UBLCP1: variants seen among roughly 807,000 people sequenced by gnomAD.
UBLCP1 encodes ubiquitin like domain containing CTD phosphatase 1.
Under a neutral mutation model 42.4 loss-of-function variants are expected in UBLCP1, and 28 were observed. The ratio of observed to expected loss-of-function variants is 0.66; its 90% CI spans 0.49 to 0.90. The LOEUF is 0.90. Among genes scored for constraint, UBLCP1 ranks in the 40% least tolerant of loss-of-function variants. The probability of loss-of-function intolerance (pLI) is 0.00; values close to 1 mark genes in which losing one functional copy is unlikely to be tolerated. For missense variants in UBLCP1, 279 were observed against 374.5 expected, an observed-to-expected ratio of 0.75 and a Z score of 2.10; for synonymous variants, 122 against 120.8, an observed-to-expected ratio of 1.01 and a Z score of -0.07.
Position 159,268,860 on chromosome 5 carries a change from TC to T in UBLCP1, c.-46-8del. On this transcript the variant is annotated splice_polypyrimidine_tract_variant and intron_variant, in intron 1 of 10. Coordinates refer to ENST00000296786, the MANE Select transcript of UBLCP1 (RefSeq NM_145049.5). The stretch of plus-strand genomic sequence containing the variant: ...TATTTTAACTTGTTCATTTTTGTCT[TC>T]CTTTCCAGGTATTTTTTTTTCTGAA... The T allele has an allele frequency of 6.4e-7, 1 of 1,570,408 alleles. No individual in the cohort carries two copies. Among genetic ancestry groups the T allele is most frequent in the Non-Finnish European group, 8.6e-7 (1 of 1,158,492 alleles).
chr5:159,274,360 A>G (rs182859518), intron 6 of UBLCP1: 3 of 376,362 alleles, frequency 8.0e-6, no homozygotes, highest in Non-Finnish European at 1.5e-5. Flanking sequence ...GATTACCTGT[A>G]TCTTACAGAT....
chr5:159,269,169 A>T, intron 2 of UBLCP1, 100 bp downstream of exon 2: 1 of 903,786 alleles, frequency 1.1e-6, no homozygotes, highest in Non-Finnish European at 1.5e-6. Context: ...TATACTTGCT[A>T]TTTGTAGTTT....
At chr5:159,272,927 C>T (rs1160824266) in intron 6 of UBLCP1, among the ~76,000 whole-genome samples, 1 of 152,200 alleles carries the variant, frequency 6.6e-6, no homozygotes, top group Non-Finnish European at 1.5e-5. Flanking sequence ...CTCCTCCCCA[C>T]AAATATTTAA....
chr5:159,269,762 C>T (rs1753440744), intron 2 of UBLCP1, 146 bp from the exon 3 acceptor site: 2 of 668,082 alleles, frequency 3.0e-6, no homozygotes, highest in Non-Finnish European at 5.2e-6. Context: ...TCAGCAGAAA[C>T]AATTTGTTAA....
rs1753449229 is a variant in UBLCP1 at position 159,270,413 on chromosome 5, T to A, written c.300T>A (p.Asp100Glu). ...ATGATGATGTTGTTAATGACTTTGATATTGAAGATGAAGTAGTTGAAGTAG... is the reference window on the plus strand; with the variant it reads ...ATGATGATGTTGTTAATGACTTTGAAATTGAAGATGAAGTAGTTGAAGTAG... ...PDNDDVVNDF[D>E]IEDEVVEVEN... is the part of the protein sequence containing the mutation. Residue 100 changes from aspartate to glutamate, a missense_variant, in exon 4 of 11, where the codon GAT becomes GAA. Transcript: ENST00000296786. 1.9e-6 allele frequency: 3 copies of A among 1,613,572 alleles called. No individual in the cohort carries two copies. Among genetic ancestry groups the A allele is most frequent in the Non-Finnish European group, 2.5e-6 (3 of 1,179,704 alleles).
chr5:159,268,774 GT>G, intron 1 of UBLCP1, 95 bp from the exon 2 acceptor site: 1 of 888,870 alleles, frequency 1.1e-6, no homozygotes, highest in Non-Finnish European at 1.6e-6. Context: ...ATCATAAGTT[GT>G]AAAATAAGGC....
chr5:159,270,399 G>T lies in UBLCP1; in HGVS notation c.286G>T (p.Val96Phe). The T allele has an allele frequency of 1.2e-6, 2 of 1,613,524 alleles. No individual in the cohort carries two copies. The highest frequency in any genetic ancestry group is 1.1e-5 in the South Asian group (1 of 91,056). Reference protein sequence around the residue: ...LGPPPDNDDVVNDFDIEDEVV... With the variant: ...LGPPPDNDDVFNDFDIEDEVV... ...TCCACCCCCTGACAATGATGATGTTGTTAATGACTTTGATATTGAAGATGA... is the reference window on the plus strand; with the variant it reads ...TCCACCCCCTGACAATGATGATGTTTTTAATGACTTTGATATTGAAGATGA... Residue 96 changes from valine (V) to phenylalanine (F), a missense_variant, in exon 4 of 11, where the codon GTT (valine) becomes TTT (phenylalanine). Transcript: ENST00000296786.
intron 7 of UBLCP1, 31 bp downstream of exon 7, chr5:159,274,653 T>C: frequency 6.3e-7 from 1 of 1,589,818 alleles, no homozygotes; most frequent in Non-Finnish European, 8.6e-7. Flanking sequence ...CATTTAAAAA[T>C]ATTTTCAAAC....
chr5:159,282,546 A>G (rs11750683), intron 9 of UBLCP1, among the ~76,000 whole-genome samples: 1 of 151,938 alleles, frequency 6.6e-6, no homozygotes, highest in African/African-American at 2.4e-5. Context: ...ACCTCGGTCT[A>G]TTATTCTGAC....
Position 159,263,306 on chromosome 5 carries a change from G to C in UBLCP1, c.-101G>C, listed in dbSNP as rs566624390. On this transcript the variant is annotated 5_prime_UTR_variant, in exon 1 of 11. Transcript: ENST00000296786. ...CCGCCCTTCACTTCCGGTCGCTTTCGGTCTCTCAGCGGCCGGTTTCTGCGT... is the reference window on the plus strand; with the variant it reads ...CCGCCCTTCACTTCCGGTCGCTTTCCGTCTCTCAGCGGCCGGTTTCTGCGT... The C allele has an allele frequency of 2.6e-5, 4 of 152,328 alleles. No homozygotes were observed. Among genetic ancestry groups the C allele is most frequent in the Non-Finnish European group, 5.9e-5 (4 of 68,058 alleles). The allele number at this position is 152,328 out of a possible 1,614,324, so 9.4% of individuals were successfully genotyped here.
intron 8 of UBLCP1, among the ~76,000 whole-genome samples, chr5:159,277,151 T>C (rs1329287973): frequency 2.6e-5 from 4 of 151,912 alleles, no homozygotes; most frequent in Non-Finnish European, 4.4e-5. Flanking sequence ...TTAATTCTTA[T>C]ATATTTGTCT....
chr5:159,279,116 G>A (rs78947858), intron 9 of UBLCP1, among the ~76,000 whole-genome samples: 1,659 of 152,334 alleles, frequency 0.011, 24 homozygotes, highest in African/African-American at 0.036. Flanking sequence ...CATTGCCAGA[G>A]CTAGAAGGAA....
At position 159,271,902 on chromosome 5, in the gene UBLCP1, G is replaced by A. The variant is rs867576236; in HGVS notation, c.449-121G>A. 39 of 626,138 alleles carry A rather than the reference G, an allele frequency of 6.2e-5. No homozygotes were observed. The African/African-American group carries it at 6.6e-4, about 11-fold the overall frequency. The allele number at this position is 626,138 out of a possible 1,614,324, so 38.8% of individuals were successfully genotyped here. On this transcript the variant is annotated intron_variant, in intron 5 of 10. Transcript: ENST00000296786. ...GTCAGCCAACGTAATTCAGTCTGAA[G>A]CAGTTTGCAATGAAATGTTTATGTT...
At chr5:159,266,450 T>C (rs1442660552) in intron 1 of UBLCP1, among the ~76,000 whole-genome samples, 1 of 152,222 alleles carries the variant, frequency 6.6e-6, no homozygotes, top group Non-Finnish European at 1.5e-5. Context: ...CACTCAGTTT[T>C]ATAAGGGAAG....
At position 159,275,199 on chromosome 5, in the gene UBLCP1, A is replaced by C. The variant is rs771158036; in HGVS notation, c.637A>C (p.Ser213Arg). ...TTATAAGATTACTTTCATGTTGGAT[A>C]GTGCTGCTATGATAACAGTACATAC... is the stretch of plus-strand genomic sequence containing the variant. The part of the protein sequence containing the change: ...ANYKITFMLD[S>R]AAMITVHTPR... The change falls in exon 8 of 11, where the codon AGT (serine) becomes CGT (arginine). Residue 213 changes from serine (S) to arginine (R), a missense_variant. Ser to Arg is a moderately radical substitution (Grantham distance 110). Coordinates refer to ENST00000296786, the MANE Select transcript of UBLCP1 (RefSeq NM_145049.5). 1.2e-6 allele frequency: 2 copies of C among 1,613,262 alleles called. No homozygotes were observed. Among genetic ancestry groups the C allele is most frequent in the Admixed American group, 1.7e-5 (1 of 60,002 alleles).
At chr5:159,276,882 A>G (rs531423548) in intron 8 of UBLCP1, among the ~76,000 whole-genome samples, 55 of 152,194 alleles carry the variant, frequency 3.6e-4, no homozygotes, top group Non-Finnish European at 6.9e-4. Context: ...GGTACTGACT[A>G]GATTATTGAT....
At chr5:159,281,389 C>T (rs1753603701) in intron 9 of UBLCP1, among the ~76,000 whole-genome samples, 1 of 152,200 alleles carries the variant, frequency 6.6e-6, no homozygotes. Context: ...ACTACATCCT[C>T]ATATCATGAC....
intron 6 of UBLCP1, among the ~76,000 whole-genome samples, chr5:159,273,192 T>C (rs1016622354): frequency 1.3e-5 from 2 of 152,210 alleles, no homozygotes; most frequent in East Asian, 3.8e-4. Flanking sequence ...TTTTCTGGTT[T>C]AGTAAGATAA....
At chr5:159,266,211 A>G (rs1185676796) in intron 1 of UBLCP1, among the ~76,000 whole-genome samples, 1 of 152,222 alleles carries the variant, frequency 6.6e-6, no homozygotes, top group Non-Finnish European at 1.5e-5. Flanking sequence ...TGATAGCTAT[A>G]TGAACCATAA....
Sources: gnomAD v4.1 joint callset for allele counts (sites outside exome capture counted in the v4.1 genomes callset) on GRCh38, gnomAD v4.1.1 for gene constraint, MANE v1.5 for transcripts, NCBI Gene and HGNC (gene_info 2026-07-23, HGNC 2026-07-21) for gene names.